CTNNA3: variants seen among roughly 807,000 people sequenced by gnomAD.
The protein encoded by CTNNA3 is catenin alpha-3.
In CTNNA3, 76 loss-of-function variants were observed where a neutral mutation model predicts 95.7. That is an observed-to-expected ratio of 0.79 (90% CI 0.66 to 0.96). The LOEUF is 0.96. Among genes scored for constraint, CTNNA3 ranks in the 40% least tolerant of loss-of-function variants. The pLI is 0.00. For missense variants in CTNNA3, 1,191 were observed against 1,089.8 expected, an observed-to-expected ratio of 1.09 and a Z score of -1.31; for synonymous variants, 431 against 374.4, an observed-to-expected ratio of 1.15 and a Z score of -1.74.
chr10:65,919,014 T>A lies in CTNNA3; in HGVS notation c.*1316A>T, dbSNP rs562066615. 1 of 152,282 alleles carries A rather than the reference T, an allele frequency of 6.6e-6. No individual in the cohort carries two copies. Among genetic ancestry groups the A allele is most frequent in the Admixed American group, 6.5e-5 (1 of 15,292 alleles). The allele number at this position is 152,282 out of a possible 1,614,324, so 9.4% of individuals were successfully genotyped here. A position where few individuals can be genotyped will look rare whatever the true frequency, so the allele number is the denominator to read the frequency against. On this transcript the variant is annotated 3_prime_UTR_variant, in exon 18 of 18. Coordinates refer to ENST00000433211, the MANE Select transcript of CTNNA3 (RefSeq NM_013266.4). Reference sequence around the variant, plus strand: ...AAAAAGGTACAATATAATACTATTATGATAATGTAGAATAGAAAATGTTTT... The same window carrying A: ...AAAAAGGTACAATATAATACTATTAAGATAATGTAGAATAGAAAATGTTTT...
At chr10:66,989,013 C>T (rs1850890138) in intron 7 of CTNNA3, among the ~76,000 whole-genome samples, 1 of 151,752 alleles carries the variant, frequency 6.6e-6, no homozygotes, top group South Asian at 2.1e-4. Flanking sequence ...AAAAAAAAAT[C>T]CCTTTTCTAC....
chr10:66,418,110 A>G (rs2093161412), intron 11 of CTNNA3, among the ~76,000 whole-genome samples: 3 of 124,442 alleles, frequency 2.4e-5, no homozygotes, highest in African/African-American at 1.0e-4. Context: ...AATTGAAAAC[A>G]TTAAAAAAAA....
In CTNNA3 at chr10:66,446,227, C is replaced by T. The variant is rs546239765; in HGVS notation, c.1532-66875G>A. Among the ~76,000 whole-genome samples, 9 of 152,124 alleles carry T rather than the reference C, an allele frequency of 5.9e-5. No individual in the cohort carries two copies. The South Asian group carries it at 6.2e-4, about 11-fold the overall frequency. ...AGTCCAGGACCAGATGGATTCACAG[C>T]GGATTTCTACCAAAGATACAAAGAG... On this transcript the variant is annotated intron_variant, in intron 11 of 17. Transcript: ENST00000433211.
intron 7 of CTNNA3, among the ~76,000 whole-genome samples, chr10:67,150,276 C>T (rs529752913): frequency 2.6e-5 from 4 of 152,154 alleles, no homozygotes; most frequent in African/African-American, 9.6e-5. Context: ...ATATAAGGTA[C>T]TTCAATATCT....
intron 3 of CTNNA3, among the ~76,000 whole-genome samples, chr10:67,552,394 T>C (rs943012532): frequency 2.0e-5 from 3 of 152,158 alleles, no homozygotes; most frequent in Non-Finnish European, 1.5e-5. Flanking sequence ...GGGGTACATG[T>C]GCAGGATGTA....
At chr10:66,718,623 T>G in intron 9 of CTNNA3, among the ~76,000 whole-genome samples, 1 of 149,140 alleles carries the variant, frequency 6.7e-6, no homozygotes, top group Non-Finnish European at 1.5e-5. Context: ...AATATTATAA[T>G]TAAATATAAT....
chr10:67,378,252 A>G (rs544662707), intron 5 of CTNNA3, among the ~76,000 whole-genome samples: 1 of 152,170 alleles, frequency 6.6e-6, no homozygotes, highest in African/African-American at 2.4e-5. Context: ...TAAAATTTTA[A>G]CTTGTTATTT....
intron 7 of CTNNA3, among the ~76,000 whole-genome samples, chr10:66,893,535 A>G (rs984753474): frequency 6.6e-6 from 1 of 150,392 alleles, no homozygotes; most frequent in Non-Finnish European, 1.5e-5. Context: ...TGTAAACAAC[A>G]GAATTTCAAA....
At chr10:67,209,613 A>C (rs888707377) in intron 6 of CTNNA3, among the ~76,000 whole-genome samples, 6 of 152,000 alleles carry the variant, frequency 3.9e-5, no homozygotes, top group Non-Finnish European at 8.8e-5. Context: ...GTGTTCCCCC[A>C]AAAAAATTCC....
intron 5 of CTNNA3, among the ~76,000 whole-genome samples, chr10:67,232,168 A>G (rs998529999): frequency 2.6e-5 from 4 of 152,160 alleles, no homozygotes; most frequent in South Asian, 2.1e-4. Context: ...GAACGCCACA[A>G]AGACACTCCT....
chr10:66,549,043 C>A (rs1254218613), intron 10 of CTNNA3, among the ~76,000 whole-genome samples: 1 of 123,448 alleles, frequency 8.1e-6, no homozygotes, highest in Non-Finnish European at 1.6e-5. Context: ...GCCTGGAGCA[C>A]AGTGGCGCAA....
At chr10:67,313,235 G>A (rs1281835560) in intron 5 of CTNNA3, among the ~76,000 whole-genome samples, 1 of 151,960 alleles carries the variant, frequency 6.6e-6, no homozygotes, top group Non-Finnish European at 1.5e-5. Context: ...AGGAGATCAA[G>A]ACCATCCTGG....
At chr10:67,426,966 G>A (rs1191293780) in intron 5 of CTNNA3, among the ~76,000 whole-genome samples, 1 of 152,026 alleles carries the variant, frequency 6.6e-6, no homozygotes, top group African/African-American at 2.4e-5. Context: ...CAGTCATCAA[G>A]AGACAGTTAA....
intron 7 of CTNNA3, among the ~76,000 whole-genome samples, chr10:66,914,130 C>CTTTTTTTTT (rs3056545): frequency 8.3e-6 from 1 of 120,272 alleles, no homozygotes; most frequent in Non-Finnish European, 1.7e-5. Flanking sequence ...AGGGTGCCTT[C>CTTTTTTTTT]TTTTTTTTTT....
chr10:66,619,090 G>A (rs1253460600), intron 10 of CTNNA3, among the ~76,000 whole-genome samples: 2 of 151,650 alleles, frequency 1.3e-5, no homozygotes, highest in Non-Finnish European at 2.9e-5. Context: ...TGGAGAAATA[G>A]GAACACTTTT....
At chr10:66,635,601 T>C (rs1845306693) in intron 9 of CTNNA3, among the ~76,000 whole-genome samples, 1 of 152,176 alleles carries the variant, frequency 6.6e-6, no homozygotes, top group African/African-American at 2.4e-5. Flanking sequence ...ACTGTTCAAA[T>C]GCTATCATGG....
intron 5 of CTNNA3, among the ~76,000 whole-genome samples, chr10:67,401,810 G>C (rs940110868): frequency 2.6e-5 from 4 of 152,174 alleles, no homozygotes; most frequent in Admixed American, 6.5e-5. Context: ...CTACTAGATT[G>C]TAGCCCAAAC....
chr10:67,067,373 A>C (rs1253581879), intron 7 of CTNNA3, among the ~76,000 whole-genome samples: 2 of 152,116 alleles, frequency 1.3e-5, no homozygotes, highest in Non-Finnish European at 2.9e-5. Context: ...ACCCTCCCCC[A>C]CCAAAAATGA....
At chr10:67,415,666 G>A (rs1235771695) in intron 5 of CTNNA3, among the ~76,000 whole-genome samples, 1 of 152,006 alleles carries the variant, frequency 6.6e-6, no homozygotes, top group Non-Finnish European at 1.5e-5. Context: ...CATATAGAAC[G>A]ACAAAAGAGT....
Sources: gnomAD v4.1 joint callset for allele counts (sites outside exome capture counted in the v4.1 genomes callset) on GRCh38, gnomAD v4.1.1 for gene constraint, MANE v1.5 for transcripts, NCBI Gene and HGNC (gene_info 2026-07-23, HGNC 2026-07-21) for gene names.